HHLA2: variants seen among roughly 807,000 people sequenced by gnomAD.
The protein encoded by HHLA2 is HERV-H LTR-associating protein 2.
Under a neutral mutation model 45.9 loss-of-function variants are expected in HHLA2, and 48 were observed. The observed-to-expected ratio is 1.05, with a 90% CI of 0.83 to 1.33. HHLA2 has a LOEUF of 1.33. Among genes scored for constraint, HHLA2 ranks in the 40% most tolerant of loss-of-function variants. The probability of loss-of-function intolerance (pLI) is 0.00; values close to 1 mark genes in which losing one functional copy is unlikely to be tolerated. For synonymous variants in HHLA2, 161 were observed against 173.9 expected (o/e 0.93, Z 0.59); for missense variants, 462 against 494.3 (o/e 0.93, Z 0.62).
intron 2 of HHLA2, among the ~76,000 whole-genome samples, chr3:108,314,341 T>TA (rs35811968): frequency 0.7 from 102,042 of 146,254 alleles, 35,630 homozygotes; most frequent in Admixed American, 0.78. Context: ...TACTGTCTCT[T>TA]AAAAAAAAAA....
At chr3:108,351,955 T>TGGAGGAAATAGCCACC in intron 4 of HHLA2, 78 bp downstream of exon 3, 2 of 937,140 alleles carry the variant, frequency 2.1e-6, no homozygotes, top group Non-Finnish European at 3.4e-6. Flanking sequence ...AAGGTGGCTA[T>TGGAGGAAATAGCCACC]TTCCTCCATA....
chr3:108,330,335 C>T (rs150060692), intron 3 of HHLA2, among the ~76,000 whole-genome samples: 66 of 152,142 alleles, frequency 4.3e-4, no homozygotes, highest in African/African-American at 1.5e-3. Flanking sequence ...TAAGGTGGCC[C>T]CCAAGATTCT....
At chr3:108,370,752 C>T (rs6437777) in intron 8 of HHLA2, among the ~76,000 whole-genome samples, 132,001 of 152,156 alleles carry the variant, frequency 0.87, 58,778 homozygotes, top group Non-Finnish European at 0.93. Flanking sequence ...ATGAATGAAA[C>T]GAAGCGAGAA....
At chr3:108,326,024 T>C in intron 2 of HHLA2, 1 of 308,752 alleles carries the variant, frequency 3.2e-6, no homozygotes. Flanking sequence ...GCCCCTCTTC[T>C]TGCCACTGCC....
intron 8 of HHLA2, among the ~76,000 whole-genome samples, chr3:108,365,189 G>A (rs766138436): frequency 4.6e-5 from 7 of 152,152 alleles, no homozygotes; most frequent in Non-Finnish European, 8.8e-5. Flanking sequence ...TGTAAGGAAG[G>A]GGTCTAGCTT....
At chr3:108,298,528 T>C (rs1161279770) in intron 1 of HHLA2, among the ~76,000 whole-genome samples, 1 of 152,224 alleles carries the variant, frequency 6.6e-6, no homozygotes, top group Non-Finnish European at 1.5e-5. Context: ...TTCAGTAAAA[T>C]GCATATTTCT....
intron 1 of HHLA2, among the ~76,000 whole-genome samples, chr3:108,301,980 G>A (rs906772621): frequency 6.6e-6 from 1 of 152,088 alleles, no homozygotes; most frequent in Non-Finnish European, 1.5e-5. Context: ...TGAGGTAGTG[G>A]GTTGATATTC....
At chr3:108,367,151 G>A (rs1208451755) in intron 8 of HHLA2, among the ~76,000 whole-genome samples, 1 of 152,148 alleles carries the variant, frequency 6.6e-6, no homozygotes, top group Non-Finnish European at 1.5e-5. Context: ...ACAGAAAGCA[G>A]TAACATCAAC....
At position 108,376,637 on chromosome 3, in the gene HHLA2, T is replaced by A. The variant is rs552454820; in HGVS notation, c.1224+80T>A. 31 of 1,202,986 alleles carry A rather than the reference T, an allele frequency of 2.6e-5. No homozygotes were observed. In the South Asian group the frequency reaches 4.1e-4, roughly 16 times the overall value. The allele number at this position is 1,202,986 out of a possible 1,614,324, so 74.5% of individuals were successfully genotyped here. On this transcript the variant is annotated intron_variant, in intron 10 of 10. Transcript: ENST00000619531. ...AAGGGTAATTGAAGTTCTGACTGAT[T>A]CACATATCATCAAGCAAGACTTTTA...
intron 3 of HHLA2, among the ~76,000 whole-genome samples, chr3:108,346,570 C>G (rs2081664092): frequency 6.6e-6 from 1 of 152,176 alleles, no homozygotes; most frequent in Admixed American, 6.5e-5. Flanking sequence ...GCAAAACATT[C>G]TTATGTTTCA....
chr3:108,304,628 C>G (rs2080899409), intron 1 of HHLA2, among the ~76,000 whole-genome samples: 1 of 152,196 alleles, frequency 6.6e-6, no homozygotes, highest in African/African-American at 2.4e-5. Context: ...ACCAGTCGAT[C>G]CACTACAAAT....
chr3:108,378,185 CT>C (rs1253789105), exon 11 of HHLA2: 5 of 152,222 alleles, frequency 3.3e-5, no homozygotes, highest in Non-Finnish European at 4.4e-5. Context: ...AACCCAAAAC[CT>C]ATAAGAACTA....
intron 4 of HHLA2, 50 bp from the exon 4 acceptor site, chr3:108,353,377 C>G: frequency 8.2e-7 from 1 of 1,226,586 alleles, no homozygotes; most frequent in South Asian, 1.5e-5. Context: ...TAATCCTGAA[C>G]AAGCACATGG....
intron 2 of HHLA2, chr3:108,325,982 G>T: frequency 2.9e-6 from 1 of 349,230 alleles, no homozygotes; most frequent in South Asian, 2.8e-5. Context: ...ATTATCCAGG[G>T]AGTCATGGTC....
chr3:108,353,332 C>A, intron 4 of HHLA2, 95 bp from the exon 4 acceptor site: 1 of 736,742 alleles, frequency 1.4e-6, no homozygotes, highest in Non-Finnish European at 2.1e-6. Flanking sequence ...AATCAGGCTG[C>A]TAACCTAGGA....
chr3:108,366,537 G>C (rs548151226), intron 8 of HHLA2, among the ~76,000 whole-genome samples: 14 of 152,310 alleles, frequency 9.2e-5, no homozygotes, highest in Admixed American at 2.6e-4. Context: ...GTTTGGAATA[G>C]TATCAGAAGG....
At chr3:108,312,260 C>T (rs1382619728) in intron 2 of HHLA2, among the ~76,000 whole-genome samples, 2 of 152,256 alleles carry the variant, frequency 1.3e-5, no homozygotes, top group African/African-American at 2.4e-5. Flanking sequence ...TTGCCTCACT[C>T]ACCCCTATTG....
chr3:108,320,082 C>A (rs917564499), intron 2 of HHLA2, among the ~76,000 whole-genome samples: 1 of 152,200 alleles, frequency 6.6e-6, no homozygotes, highest in Admixed American at 6.5e-5. Context: ...TTATTTTGGG[C>A]TCCTAAGTTT....
intron 8 of HHLA2, among the ~76,000 whole-genome samples, chr3:108,371,026 C>A (rs2082160872): frequency 6.6e-6 from 1 of 152,080 alleles, no homozygotes; most frequent in Non-Finnish European, 1.5e-5. Context: ...ACATAATTGG[C>A]AGATTCACCA....
Sources: gnomAD v4.1 joint callset for allele counts (sites outside exome capture counted in the v4.1 genomes callset) on GRCh38, gnomAD v4.1.1 for gene constraint, MANE v1.5 for transcripts, NCBI Gene and HGNC (gene_info 2026-07-23, HGNC 2026-07-21) for gene names.